Variants in TMPRSS4 observed in about 807,000 individuals in gnomAD.
TMPRSS4 encodes transmembrane serine protease 4, also known as transmembrane protease serine 4.
Under a neutral mutation model 56.4 loss-of-function variants are expected in TMPRSS4, and 45 were observed. That is an observed-to-expected ratio of 0.80 (90% CI 0.63 to 1.02). The LOEUF (loss-of-function observed/expected upper bound fraction) is 1.02, where lower values mean the gene tolerates loss of function less well. Among genes scored for constraint, TMPRSS4 ranks in the 50% least tolerant of loss-of-function variants. The pLI, the probability that TMPRSS4 is intolerant of heterozygous loss-of-function variation, is 0.00. For synonymous variants in TMPRSS4, 205 were observed against 211.0 expected (o/e 0.97, Z 0.25); for missense variants, 546 against 556.7 (o/e 0.98, Z 0.19).
chr11:118,080,608 C>T (rs1425694297), intron 1 of TMPRSS4, among the ~76,000 whole-genome samples: 1 of 152,174 alleles, frequency 6.6e-6, no homozygotes, highest in East Asian at 1.9e-4. Context: ...CCAGCAGCCA[C>T]CTCCCTAGCC....
intron 1 of TMPRSS4, among the ~76,000 whole-genome samples, chr11:118,092,887 A>G (rs1946057562): frequency 6.6e-6 from 1 of 152,196 alleles, no homozygotes; most frequent in African/African-American, 2.4e-5. Context: ...CCCATGTGAG[A>G]GCCCAGCATT....
rs183425590 is a variant in TMPRSS4, at chr11:118,083,598, C to G, written c.3+6293C>G. On this transcript the variant is annotated intron_variant, in intron 1 of 12. Coordinates refer to ENST00000437212, the MANE Select transcript of TMPRSS4 (RefSeq NM_019894.4). ...TACTATGTCATGAACTTCCCAAGTTCTATTTTAATATTGTTATTAATAACT... is the reference window on the plus strand; with the variant it reads ...TACTATGTCATGAACTTCCCAAGTTGTATTTTAATATTGTTATTAATAACT... Among the ~76,000 whole-genome samples, 333 of 152,250 alleles carry G rather than the reference C, an allele frequency of 2.2e-3. 1 individual carries two copies. The highest frequency in any genetic ancestry group is 7.5e-3 in the African/African-American group (311 of 41,532).
rs1289259256 is a variant in TMPRSS4, at chr11:118,121,087, A to AGT, written c.*3175_*3176dup. 1 of 152,224 alleles carries AGT rather than the reference A, an allele frequency of 6.6e-6. No homozygotes were observed. The highest frequency in any genetic ancestry group is 1.9e-4 in the East Asian group (1 of 5,206). The allele number at this position is 152,224 out of a possible 1,614,324, so 9.4% of individuals were successfully genotyped here. On this transcript the variant is annotated 3_prime_UTR_variant, in exon 13 of 13. Transcript: ENST00000437212. ...AATAAAGGAGCTAGAAGTCAGTGGAAGTATATCTCCAGCATGCCAAAAGAT... is the reference window on the plus strand; with the variant it reads ...AATAAAGGAGCTAGAAGTCAGTGGAAGTGTATATCTCCAGCATGCCAAAAGAT...
chr11:118,077,296 A>G lies in TMPRSS4; in HGVS notation c.-7A>G. 2 of 1,602,610 alleles carry G rather than the reference A, an allele frequency of 1.2e-6. No homozygotes were observed. Among genetic ancestry groups the G allele is most frequent in the African/African-American group, 1.3e-5 (1 of 74,782 alleles). Reference sequence around the variant, plus strand: ...TACAGGGAGACCGGGAGGATCACAGAGCCAGCATGGTGAGTGTGGGGCCCT... The same window carrying G: ...TACAGGGAGACCGGGAGGATCACAGGGCCAGCATGGTGAGTGTGGGGCCCT... On this transcript the variant is annotated 5_prime_UTR_variant, in exon 1 of 13. Coordinates refer to ENST00000437212, the MANE Select transcript of TMPRSS4 (RefSeq NM_019894.4).
chr11:118,077,352 C>T (rs1052063678), intron 1 of TMPRSS4, 47 bp downstream of exon 1: 3 of 1,566,652 alleles, frequency 1.9e-6, no homozygotes, highest in Admixed American at 1.8e-5. Context: ...GGGTGGGTCT[C>T]CCCATGTAAG....
downstream of TMPRSS4, among the ~76,000 whole-genome samples, chr11:118,124,575 T>C (rs1947854663): frequency 6.6e-6 from 1 of 152,090 alleles, no homozygotes. Context: ...AAACACAATA[T>C]AAAATAGACT....
intron 1 of TMPRSS4, among the ~76,000 whole-genome samples, chr11:118,092,714 T>C (rs1476764231): frequency 6.6e-6 from 1 of 152,236 alleles, no homozygotes; most frequent in Admixed American, 6.5e-5. Context: ...GTTTAAACTA[T>C]AAACTAAGTT....
At chr11:118,101,552 C>A (rs750492163) in intron 3 of TMPRSS4, among the ~76,000 whole-genome samples, 8 of 152,166 alleles carry the variant, frequency 5.3e-5, no homozygotes, top group Non-Finnish European at 1.0e-4. Context: ...CACCTCACTG[C>A]AGCCTCAAAC....
At position 118,107,828 on chromosome 11, in the gene TMPRSS4, T is replaced by C; in HGVS notation, c.495T>C (p.Val165=). ...GCCCAGACCAGGATCTGGATGTTGT[T>C]GAAATCACAGAAAACAGCCAGGAGC... is the stretch of plus-strand genomic sequence containing the variant. ...EIGPDQDLDV[V]EITENSQELR... The change falls in exon 6 of 13, where the codon GTT becomes GTC. Residue 165 remains valine (V), a synonymous_variant. Coordinates refer to ENST00000437212, the MANE Select transcript of TMPRSS4 (RefSeq NM_019894.4). The C allele has an allele frequency of 1.2e-6, 2 of 1,614,158 alleles. No homozygotes were observed. The highest frequency in any genetic ancestry group is 1.7e-6 in the Non-Finnish European group (2 of 1,180,026).
At chr11:118,105,174 A>G (rs566278938) in intron 5 of TMPRSS4, among the ~76,000 whole-genome samples, 39 of 152,236 alleles carry the variant, frequency 2.6e-4, no homozygotes, top group African/African-American at 9.1e-4. Context: ...TTTGCAAGAA[A>G]CTGTTCCTGC....
chr11:118,102,267 C>G (rs1449380597), intron 3 of TMPRSS4, among the ~76,000 whole-genome samples: 2 of 152,158 alleles, frequency 1.3e-5, no homozygotes, highest in African/African-American at 4.8e-5. Flanking sequence ...AATTCTAGAA[C>G]TATACTTGAT....
intron 1 of TMPRSS4, among the ~76,000 whole-genome samples, chr11:118,082,703 A>G (rs985769314): frequency 4.6e-5 from 7 of 152,182 alleles, no homozygotes; most frequent in African/African-American, 1.7e-4. Context: ...TTCATACCCA[A>G]TGCTGCTCAG....
chr11:118,099,287 A>G, intron 3 of TMPRSS4, 189 bp downstream of exon 3: 1 of 467,162 alleles, frequency 2.1e-6, no homozygotes, highest in Non-Finnish European at 3.8e-6. Context: ...TTATCACCTC[A>G]GTAAGTGGCA....
intron 3 of TMPRSS4, among the ~76,000 whole-genome samples, chr11:118,099,426 C>CAGAGAGAGAAAAAGAAAGAAGAG (rs1946604727): frequency 1.6e-5 from 2 of 127,166 alleles, no homozygotes; most frequent in Admixed American, 8.3e-5. Context: ...GAGAAAAAAA[C>CAGAGAGAGAAAAAGAAAGAAGAG]AGAGAGAGAA....
intron 1 of TMPRSS4, among the ~76,000 whole-genome samples, chr11:118,088,019 T>G (rs1945692992): frequency 6.6e-6 from 1 of 151,430 alleles, no homozygotes; most frequent in Admixed American, 6.6e-5. Flanking sequence ...GCTGGAGAGA[T>G]GCTGGGGGCA....
intron 1 of TMPRSS4, among the ~76,000 whole-genome samples, chr11:118,088,580 G>A (rs1003693065): frequency 6.6e-5 from 10 of 152,190 alleles, no homozygotes; most frequent in Admixed American, 2.0e-4. Flanking sequence ...CTTCATTCCC[G>A]GATGAGCCCC....
At chr11:118,115,450 T>C in intron 11 of TMPRSS4, 170 bp downstream of exon 11, 2 of 755,108 alleles carry the variant, frequency 2.6e-6, no homozygotes, top group Non-Finnish European at 4.2e-6. Context: ...CAGATAAAAG[T>C]GTACCAATAG....
chr11:118,102,424 A>G (rs1946761039), intron 3 of TMPRSS4, among the ~76,000 whole-genome samples: 1 of 152,202 alleles, frequency 6.6e-6, no homozygotes, highest in South Asian at 2.1e-4. Flanking sequence ...GTTGCACAGT[A>G]AGGCCGAGTG....
intron 1 of TMPRSS4, among the ~76,000 whole-genome samples, chr11:118,082,161 A>G (rs1411635462): frequency 6.6e-6 from 1 of 152,194 alleles, no homozygotes; most frequent in Non-Finnish European, 1.5e-5. Context: ...ATCCAAATGC[A>G]ACAAGGGCCC....
Sources: allele counts gnomAD v4.1 joint callset (sites outside exome capture counted in the v4.1 genomes callset), GRCh38; gene constraint gnomAD v4.1.1; transcripts MANE v1.5; gene names NCBI Gene and HGNC (gene_info 2026-07-23, HGNC 2026-07-21).